The following GLIS3 variants were observed in gnomAD, a reference collection of about 807,000 sequenced individuals.
GLIS3 encodes the protein GLIS family zinc finger 3.
GLIS3 carries 53 observed loss-of-function variants against 78.6 expected under a neutral mutation model. That is an observed-to-expected ratio of 0.67 (90% CI 0.54 to 0.85). The LOEUF (loss-of-function observed/expected upper bound fraction) is 0.85, where lower values mean the gene tolerates loss of function less well. Among genes scored for constraint, GLIS3 ranks in the 40% least tolerant of loss-of-function variants. The pLI, the probability that GLIS3 is intolerant of heterozygous loss-of-function variation, is 0.00. For synonymous variants in GLIS3, 684 were observed against 509.9 expected, an observed-to-expected ratio of 1.34 and a Z score of -4.60; for missense variants, 1,703 against 1,231.1, an observed-to-expected ratio of 1.38 and a Z score of -5.74.
chr9:4,317,498 T>A (rs1264462021), intron 2 of GLIS3, among the ~76,000 whole-genome samples: 1 of 152,214 alleles, frequency 6.6e-6, no homozygotes, highest in Non-Finnish European at 1.5e-5. Context: ...TTTAAAAATA[T>A]CAGTCTAAAG....
the GLIS3 span, among the ~76,000 whole-genome samples, chr9:4,404,802 A>G: frequency 6.6e-6 from 1 of 152,282 alleles, no homozygotes; most frequent in South Asian, 2.1e-4. Context: ...GATATATCTT[A>G]AAGAACTAGA....
chr9:4,035,027 G>C (rs897594284), intron 4 of GLIS3: 1 of 152,108 alleles, frequency 6.6e-6, no homozygotes, highest in Non-Finnish European at 1.5e-5. Context: ...GAATATGTTT[G>C]CTTCTGATAG....
intron 2 of GLIS3, among the ~76,000 whole-genome samples, chr9:4,239,712 T>C (rs1269771295): frequency 6.6e-6 from 1 of 152,218 alleles, no homozygotes; most frequent in African/African-American, 2.4e-5. Flanking sequence ...CCTTATTAGA[T>C]TGCATCTAGG....
chr9:3,920,236 C>G (rs1034531590), intron 6 of GLIS3, among the ~76,000 whole-genome samples: 3 of 152,134 alleles, frequency 2.0e-5, no homozygotes, highest in African/African-American at 7.2e-5. Flanking sequence ...ATCTCCTGAC[C>G]TCGTGATCCA....
At chr9:3,882,330 A>C (rs764996261) in intron 7 of GLIS3, among the ~76,000 whole-genome samples, 10 of 152,198 alleles carry the variant, frequency 6.6e-5, no homozygotes, top group Non-Finnish European at 1.5e-4. Flanking sequence ...GGTCAAGATT[A>C]ATTTGCTCAC....
the GLIS3 span, among the ~76,000 whole-genome samples, chr9:4,416,100 A>T: frequency 2.0e-5 from 3 of 151,646 alleles, no homozygotes; most frequent in African/African-American, 7.3e-5. Context: ...AAAACCATGC[A>T]AAGTGGCCAG....
At chr9:4,359,215 G>A in the GLIS3 span, among the ~76,000 whole-genome samples, 2 of 152,040 alleles carry the variant, frequency 1.3e-5, no homozygotes, top group African/African-American at 4.8e-5. Context: ...TGCATACACC[G>A]AGATGAGCGC....
intron 4 of GLIS3, among the ~76,000 whole-genome samples, chr9:4,028,926 C>G (rs1420795325): frequency 1.3e-5 from 2 of 152,062 alleles, no homozygotes; most frequent in Non-Finnish European, 2.9e-5. Context: ...CACTGTTGAA[C>G]AAGCAGAGAA....
intron 4 of GLIS3, among the ~76,000 whole-genome samples, chr9:4,064,423 T>C (rs746395336): frequency 6.6e-6 from 1 of 152,236 alleles, no homozygotes; most frequent in Non-Finnish European, 1.5e-5. Flanking sequence ...ACAGAAATGA[T>C]ACTTACATAA....
At chr9:4,009,882 T>C (rs562558258) in intron 4 of GLIS3, among the ~76,000 whole-genome samples, 6 of 152,140 alleles carry the variant, frequency 3.9e-5, no homozygotes, top group Non-Finnish European at 5.9e-5. Flanking sequence ...GCCCCGGTCA[T>C]AGGACACAAA....
chr9:4,278,605 T>C (rs1827236766), intron 2 of GLIS3, among the ~76,000 whole-genome samples: 2 of 152,204 alleles, frequency 1.3e-5, no homozygotes, highest in South Asian at 4.1e-4. Flanking sequence ...CTCCTCTCTC[T>C]AGAAGAATAC....
intron 4 of GLIS3, among the ~76,000 whole-genome samples, chr9:4,065,275 C>T (rs1364750366): frequency 6.6e-6 from 1 of 151,938 alleles, no homozygotes; most frequent in African/African-American, 2.4e-5. Context: ...GCAACACAGC[C>T]CAAGGCAGAA....
At chr9:4,047,203 G>A (rs1396758388) in intron 4 of GLIS3, among the ~76,000 whole-genome samples, 1 of 152,014 alleles carries the variant, frequency 6.6e-6, no homozygotes, top group Admixed American at 6.6e-5. Flanking sequence ...TTCCCCCTTC[G>A]CTCTGTCTCT....
At chr9:4,079,312 T>A (rs774482286) in intron 4 of GLIS3, among the ~76,000 whole-genome samples, 5 of 151,980 alleles carry the variant, frequency 3.3e-5, no homozygotes, top group Non-Finnish European at 4.4e-5. Context: ...GCCCAAAGAG[T>A]CTCACAGGCT....
chr9:3,844,901 G>A (rs7029700), intron 9 of GLIS3, among the ~76,000 whole-genome samples: 13 of 152,160 alleles, frequency 8.5e-5, no homozygotes, highest in African/African-American at 2.9e-4. Flanking sequence ...CTAACATTCA[G>A]TGTGAGGAAA....
the GLIS3 span, among the ~76,000 whole-genome samples, chr9:4,364,983 A>C: frequency 6.6e-6 from 1 of 152,004 alleles, no homozygotes; most frequent in Non-Finnish European, 1.5e-5. Context: ...CTACACAGTG[A>C]TTTTTATTTT....
At chr9:4,073,205 A>G (rs541460631) in intron 4 of GLIS3, among the ~76,000 whole-genome samples, 1 of 152,256 alleles carries the variant, frequency 6.6e-6, no homozygotes, top group African/African-American at 2.4e-5. Context: ...ACCTGCCACA[A>G]TCTACAAGCA....
intron 8 of GLIS3, among the ~76,000 whole-genome samples, chr9:3,876,653 AG>A (rs1466364369): frequency 2.8e-3 from 11 of 3,944 alleles, no homozygotes; most frequent in Non-Finnish European, 5.6e-3. Flanking sequence ...AGAGAGAGAG[AG>A]AGAAAGAGAG....
At chr9:4,167,237 G>A (rs556039176) in intron 2 of GLIS3, among the ~76,000 whole-genome samples, 7 of 151,876 alleles carry the variant, frequency 4.6e-5, no homozygotes, top group African/African-American at 1.4e-4. Flanking sequence ...TTCCATAGAA[G>A]TATGTATTTC....
Sources: gnomAD v4.1 joint callset for allele counts (sites outside exome capture counted in the v4.1 genomes callset) on GRCh38, gnomAD v4.1.1 for gene constraint, MANE v1.5 for transcripts, NCBI Gene and HGNC (gene_info 2026-07-23, HGNC 2026-07-21) for gene names.